Variants in EDAR observed in about 807,000 individuals in gnomAD.
EDAR encodes tumor necrosis factor receptor superfamily member EDAR.
EDAR carries 38 observed loss-of-function variants against 51.3 expected under a neutral mutation model. The observed-to-expected ratio is 0.74, with a 90% CI of 0.57 to 0.97. The LOEUF (loss-of-function observed/expected upper bound fraction) is 0.97, where lower values mean the gene tolerates loss of function less well. Ranked by LOEUF, EDAR falls within the 50% of genes least tolerant of loss-of-function variation. The pLI is 0.00. For missense variants in EDAR, 528 were observed against 595.0 expected (o/e 0.89, Z 1.17); for synonymous variants, 227 against 242.1 (o/e 0.94, Z 0.58).
chr2:108,932,608 C>T (rs1250313318), intron 1 of EDAR, among the ~76,000 whole-genome samples: 1 of 150,906 alleles, frequency 6.6e-6, no homozygotes, highest in Admixed American at 6.6e-5. Flanking sequence ...AAGTCAGCAG[C>T]CAGGGAACGG....
At chr2:108,965,162 G>T (rs1374932490) in intron 1 of EDAR, among the ~76,000 whole-genome samples, 2 of 152,072 alleles carry the variant, frequency 1.3e-5, no homozygotes, top group Non-Finnish European at 2.9e-5. Flanking sequence ...AGTGTCCAAA[G>T]TGTCATGATT....
chr2:108,937,659 T>A (rs558218905), intron 1 of EDAR, among the ~76,000 whole-genome samples: 1 of 152,056 alleles, frequency 6.6e-6, no homozygotes, highest in East Asian at 1.9e-4. Flanking sequence ...TATGTGTATG[T>A]TTATATGTGT....
chr2:108,915,931 A>C (rs1313175919), intron 5 of EDAR, among the ~76,000 whole-genome samples: 1 of 152,090 alleles, frequency 6.6e-6, no homozygotes, highest in Non-Finnish European at 1.5e-5. Flanking sequence ...AAAATAAAAA[A>C]AGAGCTGGTG....
In EDAR at chr2:108,967,982, A is replaced by G. The variant is rs115306791; in HGVS notation, c.-19+20978T>C. Among the ~76,000 whole-genome samples the G allele has an allele frequency of 1.7e-3, 254 of 152,322 alleles. 1 individual carries two copies. Among genetic ancestry groups the G allele is most frequent in the African/African-American group, 5.9e-3 (245 of 41,572 alleles). On this transcript the variant is annotated intron_variant, in intron 1 of 11. Coordinates refer to ENST00000258443, the MANE Select transcript of EDAR (RefSeq NM_022336.4). ...CAGGGGTAGAAAACAGCTCATGCAC[A>G]CAGAACAGGACGCGTGGAGAGATCA...
chr2:108,907,777 C>T, intron 10 of EDAR, 83 bp downstream of exon 10: 2 of 1,524,130 alleles, frequency 1.3e-6, no homozygotes, highest in Non-Finnish European at 1.8e-6. Flanking sequence ...TGCAGGAGAG[C>T]TGATTCAATA....
intron 6 of EDAR, among the ~76,000 whole-genome samples, chr2:108,912,044 G>A (rs551928283): frequency 6.6e-5 from 10 of 152,336 alleles, no homozygotes; most frequent in South Asian, 4.1e-4. Flanking sequence ...TTTGCTCTGC[G>A]TTAGCGCGTG....
intron 11 of EDAR, among the ~76,000 whole-genome samples, chr2:108,905,401 C>G (rs1286256862): frequency 2.0e-5 from 3 of 152,184 alleles, no homozygotes; most frequent in African/African-American, 7.2e-5. Flanking sequence ...GGAGAGATGC[C>G]ACATTTCAGC....
At chr2:108,959,188 G>A (rs1459344276) in intron 1 of EDAR, among the ~76,000 whole-genome samples, 1 of 152,242 alleles carries the variant, frequency 6.6e-6, no homozygotes, top group Admixed American at 6.5e-5. Flanking sequence ...GTGGCCCGAG[G>A]AAAGCCAAGG....
intron 1 of EDAR, among the ~76,000 whole-genome samples, chr2:108,978,665 G>A (rs260606): frequency 0.77 from 117,846 of 152,104 alleles, 47,188 homozygotes; most frequent in South Asian, 0.87. Flanking sequence ...AGAACCTGAG[G>A]TGCAGTGAAG....
chr2:108,896,688 G>T lies in EDAR; in HGVS notation c.*219C>A, dbSNP rs1043396400. ...GTAGATATTTACTCTGCCTGGTGAG[G>T]TACAGGCGAGCATCTGAAAGTATCC... On this transcript the variant is annotated 3_prime_UTR_variant, in exon 12 of 12. Transcript: ENST00000258443. 2 of 583,258 alleles carry T rather than the reference G, an allele frequency of 3.4e-6. No individual in the cohort carries two copies. The allele number at this position is 583,258 out of a possible 1,614,324, so 36.1% of individuals were successfully genotyped here. A position where few individuals can be genotyped will look rare whatever the true frequency, so the allele number is the denominator to read the frequency against.
At chr2:108,930,037 C>G in intron 3 of EDAR, 83 bp downstream of exon 3, 1 of 1,506,414 alleles carries the variant, frequency 6.6e-7, no homozygotes, top group Admixed American at 2.0e-5. Context: ...CCTCACACAG[C>G]AAGGCAGGCT....
At chr2:108,900,592 C>A (rs369259838) in intron 11 of EDAR, among the ~76,000 whole-genome samples, 1 of 149,700 alleles carries the variant, frequency 6.7e-6, no homozygotes, top group East Asian at 1.9e-4. Context: ...CCAAACCAAA[C>A]CAAAACAAAA....
intron 1 of EDAR, among the ~76,000 whole-genome samples, chr2:108,953,706 T>G (rs1697868047): frequency 1.3e-5 from 2 of 152,034 alleles, no homozygotes; most frequent in Non-Finnish European, 2.9e-5. Context: ...GGTAGCTATG[T>G]GAACAAGGAC....
At chr2:108,901,037 G>A (rs760738290) in intron 11 of EDAR, among the ~76,000 whole-genome samples, 34 of 152,162 alleles carry the variant, frequency 2.2e-4, no homozygotes, top group Non-Finnish European at 4.7e-4. Flanking sequence ...CAACCAACAC[G>A]ATCTAATCAA....
chr2:108,947,504 T>C (rs567253900), intron 1 of EDAR, among the ~76,000 whole-genome samples: 24 of 152,326 alleles, frequency 1.6e-4, no homozygotes, highest in African/African-American at 5.1e-4. Context: ...TGCAGTAGAC[T>C]TCTGCCTGGA....
At chr2:108,928,091 G>T (rs1047221441) in intron 4 of EDAR, among the ~76,000 whole-genome samples, 2 of 152,056 alleles carry the variant, frequency 1.3e-5, no homozygotes, top group Non-Finnish European at 2.9e-5. Flanking sequence ...AGTCTTCAGC[G>T]GTGGTTTCCA....
chr2:108,973,385 A>T (rs901548826), intron 1 of EDAR, among the ~76,000 whole-genome samples: 4 of 152,182 alleles, frequency 2.6e-5, no homozygotes, highest in African/African-American at 9.7e-5. Flanking sequence ...CGGTGCAGAG[A>T]GAGTGTCCGC....
intron 1 of EDAR, among the ~76,000 whole-genome samples, chr2:108,963,891 T>C (rs777400446): frequency 3.9e-5 from 6 of 152,098 alleles, no homozygotes; most frequent in Non-Finnish European, 7.4e-5. Flanking sequence ...CAGATGACCA[T>C]AGACTGAGGA....
chr2:108,976,443 A>G (rs2104457661), intron 1 of EDAR, among the ~76,000 whole-genome samples: 1 of 152,284 alleles, frequency 6.6e-6, no homozygotes, highest in African/African-American at 2.4e-5. Flanking sequence ...GGGATGAAGC[A>G]GTGACTGGCA....
Sources: allele counts gnomAD v4.1 joint callset (sites outside exome capture counted in the v4.1 genomes callset), GRCh38; gene constraint gnomAD v4.1.1; transcripts MANE v1.5; gene names NCBI Gene and HGNC (gene_info 2026-07-23, HGNC 2026-07-21).